The following CRYZ variants were observed in gnomAD, a reference collection of about 807,000 sequenced individuals.
CRYZ encodes zeta-crystallin.
Under a neutral mutation model 34.1 loss-of-function variants are expected in CRYZ, and 35 were observed. That is an observed-to-expected ratio of 1.03 (90% CI 0.78 to 1.36). The LOEUF is 1.36. CRYZ is among the 40% of genes most tolerant of loss of function. The pLI is 0.00. For missense variants in CRYZ, 403 were observed against 391.8 expected, an observed-to-expected ratio of 1.03 and a Z score of -0.24; for synonymous variants, 137 against 136.5, an observed-to-expected ratio of 1.00 and a Z score of -0.03.
At chr1:74,713,408 T>C (rs1011230277) in intron 5 of CRYZ, among the ~76,000 whole-genome samples, 10 of 152,192 alleles carry the variant, frequency 6.6e-5, no homozygotes, top group African/African-American at 2.4e-4. Context: ...TTAAATTTAA[T>C]TTAACCCAAA....
At chr1:74,719,732 A>G (rs192496944) in intron 3 of CRYZ, among the ~76,000 whole-genome samples, 44 of 152,052 alleles carry the variant, frequency 2.9e-4, no homozygotes, top group African/African-American at 9.9e-4. Flanking sequence ...CTGACCTCAT[A>G]ATGTGCCCAC....
At chr1:74,721,396 G>A (rs887768113) in intron 3 of CRYZ, among the ~76,000 whole-genome samples, 2 of 152,186 alleles carry the variant, frequency 1.3e-5, no homozygotes, top group Non-Finnish European at 2.9e-5. Context: ...TGGAAAGACA[G>A]ATGGGAGAGA....
chr1:74,709,948 A>AAAT, intron 6 of CRYZ, 150 bp downstream of exon 6: 5 of 618,960 alleles, frequency 8.1e-6, no homozygotes, highest in East Asian at 2.8e-5. Flanking sequence ...TGTTTTTTAA[A>AAAT]TAAAGTTTTA....
In CRYZ at chr1:74,714,719, T is replaced by C. The variant is rs1647048635; in HGVS notation, c.429-89A>G. 6 of 1,328,664 alleles carry C rather than the reference T, an allele frequency of 4.5e-6. No homozygotes were observed. In the Admixed American group the frequency reaches 5.3e-5, roughly 12 times the overall value. The allele number at this position is 1,328,664 out of a possible 1,614,324, so 82.3% of individuals were successfully genotyped here. The stretch of plus-strand genomic sequence containing the variant: ...CATCATCTTAAGGAATTTCTACCCC[T>C]AGTCTGGCTAACACTTACACAAACA... On this transcript the variant is annotated intron_variant, in intron 4 of 8. Coordinates refer to ENST00000340866, the MANE Select transcript of CRYZ (RefSeq NM_001889.4).
chr1:74,723,337 T>G, intron 2 of CRYZ, 67 bp from the exon 3 acceptor site: 1 of 1,474,966 alleles, frequency 6.8e-7, no homozygotes, highest in Non-Finnish European at 9.2e-7. Flanking sequence ...ATGCTAGGAC[T>G]GTGCTGATTA....
chr1:74,707,671 T>C (rs2100689796), intron 6 of CRYZ: 1 of 152,966 alleles, frequency 6.5e-6, no homozygotes, highest in East Asian at 1.9e-4. Flanking sequence ...TTGTTCTAAA[T>C]GGTTTATCAT....
rs1410837627 is a variant in CRYZ at position 74,719,214 on chromosome 1, G to C, written c.423C>G (p.Ile141Met). The C allele has an allele frequency of 5.6e-6, 9 of 1,613,490 alleles. No homozygotes were observed. The highest frequency in any genetic ancestry group is 7.6e-6 in the Non-Finnish European group (9 of 1,179,508). The change falls in exon 4 of 9, where the codon ATC becomes ATG. Residue 141 changes from isoleucine to methionine, a missense_variant. Coordinates refer to ENST00000340866, the MANE Select transcript of CRYZ (RefSeq NM_001889.4). ...TTGACAGAATGTGTTATTACCTGTGGATCAGAGCTCGATAAGCAGTAAAAT... is the reference window on the plus strand; with the variant it reads ...TTGACAGAATGTGTTATTACCTGTGCATCAGAGCTCGATAAGCAGTAAAAT... ...IPYFTAYRAL[I>M]HSACVKAGES...
At chr1:74,721,680 G>C (rs948569969) in intron 3 of CRYZ, among the ~76,000 whole-genome samples, 1 of 152,186 alleles carries the variant, frequency 6.6e-6, no homozygotes, top group African/African-American at 2.4e-5. Context: ...TCTAGTAAGG[G>C]AAAGCGAGGA....
chr1:74,711,445 A>C (rs561082322), intron 5 of CRYZ, among the ~76,000 whole-genome samples: 3 of 152,332 alleles, frequency 2.0e-5, no homozygotes, highest in African/African-American at 4.8e-5. Context: ...ATTCAGATAT[A>C]GTTTAGAGGT....
In CRYZ at chr1:74,719,383, A is replaced by T. The variant is rs1301136160; in HGVS notation, c.265-11T>A. Reference sequence around the variant, plus strand: ...AACTCTGTCACCTTTCTAGGGGAAGAGATAAATGAATAAATGCAGGAAGAC... The same window carrying T: ...AACTCTGTCACCTTTCTAGGGGAAGTGATAAATGAATAAATGCAGGAAGAC... On this transcript the variant is annotated splice_polypyrimidine_tract_variant and intron_variant, in intron 3 of 8. Transcript: ENST00000340866. 2 of 1,602,136 alleles carry T rather than the reference A, an allele frequency of 1.2e-6. No individual in the cohort carries two copies. The highest frequency in any genetic ancestry group is 1.1e-5 in the South Asian group (1 of 90,576).
intron 6 of CRYZ, chr1:74,708,128 G>A (rs1355805327): frequency 6.6e-6 from 1 of 152,174 alleles, no homozygotes; most frequent in Admixed American, 6.6e-5. Context: ...AGCAAAGATG[G>A]AGGGGACTGA....
chr1:74,729,962 T>C (rs571476452), intron 1 of CRYZ, among the ~76,000 whole-genome samples: 28 of 152,242 alleles, frequency 1.8e-4, no homozygotes, highest in African/African-American at 6.7e-4. Flanking sequence ...GGGTGCTCTC[T>C]CTCTCTCTCT....
chr1:74,714,481 C>CTA, intron 5 of CRYZ, 98 bp downstream of exon 5: 1 of 1,180,974 alleles, frequency 8.5e-7, no homozygotes, highest in Non-Finnish European at 1.2e-6. Flanking sequence ...ACCTTTGACT[C>CTA]TATTTATAAA....
At chr1:74,716,229 G>A (rs189282647) in intron 4 of CRYZ, among the ~76,000 whole-genome samples, 2 of 151,958 alleles carry the variant, frequency 1.3e-5, no homozygotes, top group East Asian at 1.9e-4. Flanking sequence ...TGTGTACAGA[G>A]TGACTGATTC....
At chr1:74,729,549 G>A (rs2100737190) in intron 1 of CRYZ, among the ~76,000 whole-genome samples, 1 of 151,484 alleles carries the variant, frequency 6.6e-6, no homozygotes, top group Non-Finnish European at 1.5e-5. Flanking sequence ...GAAGGCTGAG[G>A]TGGGAGGATT....
At chr1:74,719,627 C>T (rs906252963) in intron 3 of CRYZ, among the ~76,000 whole-genome samples, 3 of 151,778 alleles carry the variant, frequency 2.0e-5, no homozygotes, top group African/African-American at 7.3e-5. Flanking sequence ...TCCTGAGTAG[C>T]TAGGATTACA....
Position 74,706,324 on chromosome 1 carries a change from G to C in CRYZ, c.962C>G (p.Ala321Gly). Residue 321 changes from alanine to glycine, a missense_variant, in exon 9 of 9, where the codon GCT becomes GGT. Coordinates refer to ENST00000340866, the MANE Select transcript of CRYZ (RefSeq NM_001889.4). ...AHENIIHGSGATGKMILLL is the reference protein window; with the variant it reads ...AHENIIHGSGGTGKMILLL The stretch of plus-strand genomic sequence containing the variant: ...TAAGAGAAGAATCATTTTTCCAGTA[G>C]CCCCACTACCATGAATGATATTTTC... The C allele has an allele frequency of 3.1e-6, 5 of 1,605,726 alleles. No homozygotes were observed. Among genetic ancestry groups the C allele is most frequent in the Non-Finnish European group, 4.2e-6 (5 of 1,177,424 alleles).
At chr1:74,726,803 G>A (rs1647365489) in intron 1 of CRYZ, among the ~76,000 whole-genome samples, 2 of 152,052 alleles carry the variant, frequency 1.3e-5, no homozygotes, top group Non-Finnish European at 2.9e-5. Flanking sequence ...AAAACTAAAT[G>A]ATTTTAATAA....
intron 5 of CRYZ, among the ~76,000 whole-genome samples, chr1:74,711,203 G>C (rs142836862): frequency 9.1e-4 from 139 of 152,302 alleles, no homozygotes; most frequent in Middle Eastern, 3.4e-3. Flanking sequence ...TGAGGGGTGA[G>C]GGTAGAGGCT....
Sources: allele counts gnomAD v4.1 joint callset (sites outside exome capture counted in the v4.1 genomes callset), GRCh38; gene constraint gnomAD v4.1.1; transcripts MANE v1.5; gene names NCBI Gene and HGNC (gene_info 2026-07-23, HGNC 2026-07-21).